The following CRACD variants were observed in gnomAD, a reference collection of about 807,000 sequenced individuals.
CRACD encodes the protein capping protein inhibiting regulator of actin dynamics, also known as capping protein-inhibiting regulator of actin dynamics.
A neutral mutation model predicts 106.8 loss-of-function variants in CRACD; 56 were observed. The observed-to-expected ratio is 0.52, with a 90% CI of 0.42 to 0.66. CRACD has a LOEUF of 0.66. CRACD is among the 30% of genes least tolerant of loss of function. The probability of loss-of-function intolerance (pLI) is 0.00; values close to 1 mark genes in which losing one functional copy is unlikely to be tolerated. For synonymous variants in CRACD, 754 were observed against 670.8 expected, an observed-to-expected ratio of 1.12 and a Z score of -1.92; for missense variants, 1,730 against 1,623.2, an observed-to-expected ratio of 1.07 and a Z score of -1.13.
intron 2 of CRACD, among the ~76,000 whole-genome samples, chr4:56,240,777 C>A (rs1030985491): frequency 1.3e-5 from 2 of 152,246 alleles, no homozygotes; most frequent in African/African-American, 4.8e-5. Context: ...AGCCGCCACA[C>A]CTACTTGATC....
intron 2 of CRACD, among the ~76,000 whole-genome samples, chr4:56,259,172 A>G (rs1741549538): frequency 1.3e-5 from 2 of 152,166 alleles, no homozygotes; most frequent in African/African-American, 2.4e-5. Flanking sequence ...CTTGGCATGA[A>G]TGGCATGCAG....
At chr4:56,160,666 C>T (rs1735920496) in intron 1 of CRACD, among the ~76,000 whole-genome samples, 1 of 152,232 alleles carries the variant, frequency 6.6e-6, no homozygotes, top group East Asian at 1.9e-4. Context: ...GGGCAAGCTG[C>T]TTAAACCTTG....
intron 8 of CRACD, among the ~76,000 whole-genome samples, chr4:56,318,197 A>G (rs570963754): frequency 2.0e-5 from 3 of 151,966 alleles, no homozygotes; most frequent in Non-Finnish European, 4.4e-5. Flanking sequence ...GGGTCTTGCT[A>G]TGTTGCCCAG....
At chr4:56,205,133 G>A (rs190627296) in intron 2 of CRACD, among the ~76,000 whole-genome samples, 2 of 152,032 alleles carry the variant, frequency 1.3e-5, no homozygotes, top group African/African-American at 4.8e-5. Flanking sequence ...TCTAGCCTTG[G>A]CAACAGAGTA....
At chr4:56,146,735 T>C (rs1735397270) in intron 1 of CRACD, among the ~76,000 whole-genome samples, 1 of 152,244 alleles carries the variant, frequency 6.6e-6, no homozygotes, top group South Asian at 2.1e-4. Context: ...TTATACACTA[T>C]GCATTTGCCT....
intron 1 of CRACD, among the ~76,000 whole-genome samples, chr4:56,100,148 C>G (rs1287837974): frequency 6.6e-6 from 1 of 151,872 alleles, no homozygotes; most frequent in Non-Finnish European, 1.5e-5. Context: ...GAGGCTGAGG[C>G]AGGAGAATTG....
At chr4:56,073,401 C>T (rs1422602803) in intron 1 of CRACD, among the ~76,000 whole-genome samples, 1 of 152,148 alleles carries the variant, frequency 6.6e-6, no homozygotes, top group Non-Finnish European at 1.5e-5. Context: ...GCATAAATGT[C>T]TTCTTTTGAA....
At chr4:56,164,038 C>T (rs929898971) in intron 1 of CRACD, among the ~76,000 whole-genome samples, 3 of 152,014 alleles carry the variant, frequency 2.0e-5, no homozygotes, top group Non-Finnish European at 4.4e-5. Flanking sequence ...TGAGCCAGTG[C>T]CTGACCTTTG....
At chr4:56,232,728 A>ATTTATTTC (rs1159306621) in intron 2 of CRACD, among the ~76,000 whole-genome samples, 1 of 150,364 alleles carries the variant, frequency 6.7e-6, no homozygotes, top group South Asian at 2.1e-4. Flanking sequence ...TTATTTATTT[A>ATTTATTTC]TTTATTTATT....
At chr4:56,250,739 C>T (rs1162349040) in intron 2 of CRACD, among the ~76,000 whole-genome samples, 2 of 152,110 alleles carry the variant, frequency 1.3e-5, no homozygotes, top group Non-Finnish European at 2.9e-5. Context: ...ATCTGTAAAA[C>T]GTGGAAAATA....
rs182392324 is a variant in CRACD at position 56,225,927 on chromosome 4, G to T, written c.-188-46394G>T. Among the ~76,000 whole-genome samples the T allele has an allele frequency of 2.6e-3, 403 of 152,298 alleles. 2 individuals are homozygous for T. The highest frequency in any genetic ancestry group is 8.6e-3 in the African/African-American group (359 of 41,554). Reference sequence around the variant, plus strand: ...TCACATCTTCAAGCTGTTGCTGTAAGGCAGAATCCTAAATTTGCTTTCTAT... The same window carrying T: ...TCACATCTTCAAGCTGTTGCTGTAATGCAGAATCCTAAATTTGCTTTCTAT... On this transcript the variant is annotated intron_variant, in intron 2 of 10. Coordinates refer to ENST00000682029, the MANE Select transcript of CRACD (RefSeq NM_001393381.1).
At chr4:56,303,929 C>T (rs776648442) in intron 4 of CRACD, among the ~76,000 whole-genome samples, 7 of 152,238 alleles carry the variant, frequency 4.6e-5, no homozygotes, top group Non-Finnish European at 1.0e-4. Flanking sequence ...AGTTCCCCAG[C>T]CACCAGCCTG....
intron 2 of CRACD, among the ~76,000 whole-genome samples, chr4:56,196,780 TAACTAA>T (rs112979311): frequency 3.3e-4 from 50 of 152,308 alleles, no homozygotes; most frequent in African/African-American, 1.2e-3. Context: ...CAGACTCACC[TAACTAA>T]TAAGACACTT....
intron 2 of CRACD, among the ~76,000 whole-genome samples, chr4:56,205,998 A>G (rs1738106314): frequency 6.6e-6 from 1 of 152,202 alleles, no homozygotes; most frequent in Admixed American, 6.5e-5. Flanking sequence ...TCTGGAATTT[A>G]TAGAAATATG....
intron 2 of CRACD, among the ~76,000 whole-genome samples, chr4:56,206,610 G>T (rs1373505248): frequency 6.6e-6 from 1 of 152,136 alleles, no homozygotes; most frequent in Non-Finnish European, 1.5e-5. Flanking sequence ...GGACCTATTT[G>T]CTTCCTTAAA....
intron 1 of CRACD, among the ~76,000 whole-genome samples, chr4:56,066,622 G>T (rs906497467): frequency 6.6e-6 from 1 of 152,252 alleles, no homozygotes; most frequent in Non-Finnish European, 1.5e-5. Context: ...GTCATATGGG[G>T]AAGAGAAGCA....
At chr4:56,213,230 T>C (rs1199258949) in intron 2 of CRACD, among the ~76,000 whole-genome samples, 1 of 152,154 alleles carries the variant, frequency 6.6e-6, no homozygotes, top group Non-Finnish European at 1.5e-5. Context: ...GTGGATCACC[T>C]GAGGTTGGGA....
chr4:56,167,946 T>C (rs1184974381), intron 1 of CRACD, among the ~76,000 whole-genome samples: 1 of 152,214 alleles, frequency 6.6e-6, no homozygotes, highest in African/African-American at 2.4e-5. Flanking sequence ...AACTCACATA[T>C]TACTTCTGGT....
chr4:56,224,972 A>T (rs17086470), intron 2 of CRACD, among the ~76,000 whole-genome samples: 1 of 152,162 alleles, frequency 6.6e-6, no homozygotes, highest in African/African-American at 2.4e-5. Context: ...AGAGGATACA[A>T]GCCTTAGCCC....
Sources: allele counts gnomAD v4.1 joint callset (sites outside exome capture counted in the v4.1 genomes callset), GRCh38; gene constraint gnomAD v4.1.1; transcripts MANE v1.5; gene names NCBI Gene and HGNC (gene_info 2026-07-23, HGNC 2026-07-21).